ANKS1B: variants seen among roughly 807,000 people sequenced by gnomAD.
The protein encoded by ANKS1B is ankyrin repeat and sterile alpha motif domain-containing protein 1B.
ANKS1B carries 36 observed loss-of-function variants against 148.3 expected under a neutral mutation model. That is an observed-to-expected ratio of 0.24 (90% confidence interval 0.19 to 0.32). ANKS1B has a LOEUF of 0.32. ANKS1B is among the 10% of genes least tolerant of loss of function. The probability of loss-of-function intolerance (pLI) is 1.00; values close to 1 mark genes in which losing one functional copy is unlikely to be tolerated. For missense variants in ANKS1B, 1,157 were observed against 1,542.6 expected, an observed-to-expected ratio of 0.75 and a Z score of 4.19; for synonymous variants, 542 against 560.8, an observed-to-expected ratio of 0.97 and a Z score of 0.47.
intron 3 of ANKS1B, among the ~76,000 whole-genome samples, chr12:99,811,350 G>A (rs1433693013): frequency 1.3e-5 from 2 of 151,788 alleles, no homozygotes; most frequent in Non-Finnish European, 2.9e-5. Context: ...GCAGCTTAAT[G>A]CCGTGATTGT....
At chr12:98,807,709 A>C in intron 20 of ANKS1B, 135 bp downstream of exon 20, 1 of 571,528 alleles carries the variant, frequency 1.7e-6, no homozygotes. Flanking sequence ...TATAATAGAC[A>C]AAGAGTCTCG....
intron 8 of ANKS1B, 53 bp from the exon 9 acceptor site, chr12:99,655,263 T>A: frequency 7.1e-7 from 1 of 1,417,288 alleles, no homozygotes; most frequent in Admixed American, 2.2e-5. Context: ...TATTTAGATA[T>A]CTTAACATCA....
intron 14 of ANKS1B, among the ~76,000 whole-genome samples, chr12:99,218,113 T>C (rs1450542723): frequency 6.6e-6 from 1 of 152,146 alleles, no homozygotes; most frequent in Non-Finnish European, 1.5e-5. Context: ...AGAGGCCATA[T>C]TAACACCAGG....
At position 99,407,971 on chromosome 12, in the gene ANKS1B, T is replaced by C. The variant is rs1225924875; in HGVS notation, c.1576-8160A>G. Among the ~76,000 whole-genome samples the C allele has an allele frequency of 1.4e-5, 2 of 146,002 alleles. 1 individual carries two copies. Among genetic ancestry groups the C allele is most frequent in the Non-Finnish European group, 3.0e-5 (2 of 66,012 alleles). On this transcript the variant is annotated intron_variant, in intron 11 of 26. Coordinates refer to ENST00000683438, the MANE Select transcript of ANKS1B (RefSeq NM_001352186.2). ...GCAATCATTAACAAAATACTAATGA[T>C]ATTCTTCACAGAAATGGAAAAAACA...
intron 10 of ANKS1B, among the ~76,000 whole-genome samples, chr12:99,468,094 T>C (rs1247566996): frequency 6.6e-6 from 1 of 152,084 alleles, no homozygotes; most frequent in East Asian, 1.9e-4. Context: ...AACAGAGATA[T>C]AGATCAATGG....
intron 12 of ANKS1B, among the ~76,000 whole-genome samples, chr12:99,250,098 G>GTGGGCAAGAGCCTTTA (rs1214871947): frequency 6.6e-6 from 1 of 152,212 alleles, no homozygotes; most frequent in Non-Finnish European, 1.5e-5. Context: ...AGGGGAGATT[G>GTGGGCAAGAGCCTTTA]TGGGCAAGAG....
rs1427891755 is a variant in ANKS1B at position 98,894,613 on chromosome 12, G to A, written c.2779-62477C>T. ...GCGGGGGCCGCGGAGCGAGGGGGCCGCTGTGCCGCTACTCACCCGAGCCGC... is the reference window on the plus strand; with the variant it reads ...GCGGGGGCCGCGGAGCGAGGGGGCCACTGTGCCGCTACTCACCCGAGCCGC... On this transcript the variant is annotated intron_variant, in intron 17 of 26. Transcript: ENST00000683438. 6.1e-6 allele frequency: 6 copies of A among 984,952 alleles called. No individual in the cohort carries two copies. The African/African-American group carries it at 8.7e-5, about 14-fold the overall frequency. The allele number at this position is 984,952 out of a possible 1,614,324, so 61.0% of individuals were successfully genotyped here. A position where few individuals can be genotyped will look rare whatever the true frequency, so the allele number is the denominator to read the frequency against.
chr12:99,390,878 A>G (rs2094039190), intron 12 of ANKS1B, among the ~76,000 whole-genome samples: 1 of 152,232 alleles, frequency 6.6e-6, no homozygotes, highest in South Asian at 2.1e-4. Context: ...TGCAGAGGCT[A>G]GGAAAGACAG....
At chr12:99,511,060 G>T (rs1371642199) in intron 9 of ANKS1B, among the ~76,000 whole-genome samples, 2 of 151,916 alleles carry the variant, frequency 1.3e-5, no homozygotes, top group East Asian at 3.9e-4. Context: ...CCAATACTAT[G>T]TTGAATAGGA....
chr12:98,746,228 C>A (rs1565957638), intron 26 of ANKS1B, among the ~76,000 whole-genome samples: 1 of 152,186 alleles, frequency 6.6e-6, no homozygotes, highest in Non-Finnish European at 1.5e-5. Flanking sequence ...CCCCGGCTCT[C>A]ACTCTCCAGT....
At chr12:98,944,494 C>T (rs1320579002) in intron 17 of ANKS1B, among the ~76,000 whole-genome samples, 3 of 152,092 alleles carry the variant, frequency 2.0e-5, no homozygotes, top group African/African-American at 7.2e-5. Context: ...CAGCCTCAGG[C>T]ATTCCTTTAG....
chr12:99,290,748 A>G (rs545071466), intron 12 of ANKS1B, among the ~76,000 whole-genome samples: 21 of 152,208 alleles, frequency 1.4e-4, no homozygotes, highest in African/African-American at 4.3e-4. Context: ...ACTCTCAAAA[A>G]ACTGGGGATA....
Position 99,084,949 on chromosome 12 carries a change from T to C in ANKS1B, c.2601A>G (p.Leu867=). The C allele has an allele frequency of 1.2e-6, 2 of 1,610,446 alleles. No individual in the cohort carries two copies. Among genetic ancestry groups the C allele is most frequent in the South Asian group, 1.1e-5 (1 of 89,970 alleles). ...ILNSGHRQRI[L]QAIQLLPKMR... Reference sequence around the variant, plus strand: ...CCTTTGGAAGGAGCTGGATTGCCTGTAGAATTCTTTGTCTGTGCCCAGAAT... The same window carrying C: ...CCTTTGGAAGGAGCTGGATTGCCTGCAGAATTCTTTGTCTGTGCCCAGAAT... Residue 867 remains leucine (L), a synonymous_variant, in exon 16 of 27, where the codon CTA becomes CTG. Coordinates refer to ENST00000683438, the MANE Select transcript of ANKS1B (RefSeq NM_001352186.2).
chr12:99,729,959 C>T (rs1415692759), intron 8 of ANKS1B, among the ~76,000 whole-genome samples: 2 of 152,214 alleles, frequency 1.3e-5, no homozygotes, highest in Non-Finnish European at 2.9e-5. Context: ...TATTTTCCAC[C>T]TGCAGTGTTA....
At position 99,071,509 on chromosome 12, in the gene ANKS1B, T is replaced by A. The variant is rs182491488; in HGVS notation, c.2625+13416A>T. 2.7e-3 allele frequency among the ~76,000 whole-genome samples: 411 copies of A among 152,370 alleles called. 3 individuals carry two copies. The highest frequency in any genetic ancestry group is 4.6e-3 in the Non-Finnish European group (310 of 68,030). On this transcript the variant is annotated intron_variant, in intron 16 of 26. Transcript: ENST00000683438. ...TTAGCAACTAAATGGAACTACACTG[T>A]CAAGATCTGACTGCTCAGCTTCTCA...
intron 14 of ANKS1B, among the ~76,000 whole-genome samples, chr12:99,216,415 C>A (rs2084204295): frequency 6.6e-6 from 1 of 152,200 alleles, no homozygotes; most frequent in Admixed American, 6.5e-5. Flanking sequence ...TTTATTAAAT[C>A]ATTTCTTTTA....
intron 9 of ANKS1B, among the ~76,000 whole-genome samples, chr12:99,512,281 T>C (rs2096774431): frequency 1.3e-5 from 2 of 152,046 alleles, no homozygotes; most frequent in African/African-American, 4.8e-5. Context: ...AAGACATTCA[T>C]TGTCCAACGA....
At chr12:98,932,982 T>C (rs943558895) in intron 17 of ANKS1B, among the ~76,000 whole-genome samples, 6 of 152,220 alleles carry the variant, frequency 3.9e-5, no homozygotes, top group Non-Finnish European at 8.8e-5. Flanking sequence ...ATTGTGTTAA[T>C]AGCACTTAAC....
intron 9 of ANKS1B, among the ~76,000 whole-genome samples, chr12:99,653,794 G>T (rs2098437157): frequency 6.6e-6 from 1 of 150,590 alleles, no homozygotes; most frequent in African/African-American, 2.4e-5. Flanking sequence ...CTCCTGAGTA[G>T]CTAGGGCTAT....
Sources: allele counts gnomAD v4.1 joint callset (sites outside exome capture counted in the v4.1 genomes callset), GRCh38; gene constraint gnomAD v4.1.1; transcripts MANE v1.5; gene names NCBI Gene and HGNC (gene_info 2026-07-23, HGNC 2026-07-21).